The following ANKRD11 variants were observed in gnomAD, a reference collection of about 807,000 sequenced individuals.
ANKRD11 encodes ankyrin repeat domain-containing protein 11.
Under a neutral mutation model 195.7 loss-of-function variants are expected in ANKRD11, and 17 were observed. The ratio of observed to expected loss-of-function variants is 0.09; its 90% CI spans 0.06 to 0.13. The LOEUF (loss-of-function observed/expected upper bound fraction) is 0.13. ANKRD11 is among the 10% of genes least tolerant of loss of function. The pLI is 1.00. For synonymous variants in ANKRD11, 1,953 were observed against 1,528.1 expected, an observed-to-expected ratio of 1.28 and a Z score of -6.49; for missense variants, 3,735 against 3,566.1, an observed-to-expected ratio of 1.05 and a Z score of -1.21.
intron 1 of ANKRD11, among the ~76,000 whole-genome samples, chr16:89,464,968 T>G (rs1400128836): frequency 6.6e-6 from 1 of 152,246 alleles, no homozygotes; most frequent in Non-Finnish European, 1.5e-5. Context: ...AATGTCTTTT[T>G]TAGACAGTCC....
intron 1 of ANKRD11, among the ~76,000 whole-genome samples, chr16:89,457,723 G>A (rs1026447951): frequency 1.3e-5 from 2 of 152,140 alleles, no homozygotes; most frequent in Admixed American, 1.3e-4. Flanking sequence ...ATTCTGCGGT[G>A]ATGGAAATGT....
At chr16:89,403,467 C>T (rs770573864) in intron 2 of ANKRD11, among the ~76,000 whole-genome samples, 2 of 152,090 alleles carry the variant, frequency 1.3e-5, no homozygotes, top group Non-Finnish European at 2.9e-5. Context: ...CGAGGCCCCG[C>T]GCTCTGGGAG....
chr16:89,483,706 T>C (rs1158231451), intron 1 of ANKRD11, among the ~76,000 whole-genome samples: 1 of 151,344 alleles, frequency 6.6e-6, no homozygotes, highest in Non-Finnish European at 1.5e-5. Context: ...CGCGTGCCTG[T>C]AATCCCAGCT....
In ANKRD11 at chr16:89,453,807, G is replaced by A. The variant is rs962807942; in HGVS notation, c.-144-35439C>T. On this transcript the variant is annotated intron_variant, in intron 1 of 12. Coordinates refer to ENST00000301030, the MANE Select transcript of ANKRD11 (RefSeq NM_013275.6). ...TGAAGGAGAACAGGAAGTAAAACAT[G>A]ACTGGAGACAGAACTTGTGAATTCG... 3.3e-5 allele frequency among the ~76,000 whole-genome samples: 5 copies of A among 152,268 alleles called. 1 individual carries two copies. The highest frequency in any genetic ancestry group is 2.9e-5 in the Non-Finnish European group (2 of 68,028).
rs372301248 is a variant in ANKRD11, at chr16:89,426,469, C to T, written c.-144-8101G>A. ...CTGAGCAACAAACACCAACTCCCTG[C>T]GTGGCTTCACTAAAACAAGCCTTGA... On this transcript the variant is annotated intron_variant, in intron 1 of 12. Transcript: ENST00000301030. Among the ~76,000 whole-genome samples, 73 of 150,328 alleles carry T rather than the reference C, an allele frequency of 4.9e-4. 1 individual carries two copies. The South Asian group carries it at 0.014, about 29-fold the overall frequency.
At chr16:89,332,041 C>CT (rs2038095084) in intron 2 of ANKRD11, among the ~76,000 whole-genome samples, 1 of 151,962 alleles carries the variant, frequency 6.6e-6, no homozygotes. Flanking sequence ...AATCCCAGAA[C>CT]TTTGGGAGGC....
At chr16:89,463,165 G>C (rs901112517) in intron 1 of ANKRD11, among the ~76,000 whole-genome samples, 6 of 152,218 alleles carry the variant, frequency 3.9e-5, no homozygotes, top group African/African-American at 9.6e-5. Flanking sequence ...CACCCCGTCT[G>C]GGAGGTGTGC....
chr16:89,380,870 G>A lies in ANKRD11; in HGVS notation c.-60+37414C>T, dbSNP rs144796277. On this transcript the variant is annotated intron_variant, in intron 2 of 12. Coordinates refer to ENST00000301030, the MANE Select transcript of ANKRD11 (RefSeq NM_013275.6). ...GCCCCAAAGGTGACCAGGCCTACAC[G>A]GGGCAATGCAGCTCAGAGGTCGTGG... Among the ~76,000 whole-genome samples, 363 of 152,318 alleles carry A rather than the reference G, an allele frequency of 2.4e-3. 4 individuals carry two copies. The highest frequency in any genetic ancestry group is 2.6e-3 in the Non-Finnish European group (178 of 68,026).
Position 89,284,648 on chromosome 16 carries a change from G to C in ANKRD11, c.1894C>G (p.His632Asp). ...TTTTTGTGTTTGTGTTTTGTTTTAT[G>C]TTTTTTGACAACTTTCCCCTCCTTG... ...LDKEGKVVKK[H>D]KTKHKHKNKE... Residue 632 changes from histidine to aspartate, a missense_variant, in exon 9 of 13, where the codon CAT becomes GAT. His to Asp is a moderately conservative substitution (Grantham distance 81, BLOSUM62 -1). Transcript: ENST00000301030. 6.2e-7 allele frequency: 1 copy of C among 1,614,074 alleles called. No individual in the cohort carries two copies. The highest frequency in any genetic ancestry group is 8.5e-7 in the Non-Finnish European group (1 of 1,180,020).
At chr16:89,423,373 C>A (rs1290562344) in intron 1 of ANKRD11, among the ~76,000 whole-genome samples, 1 of 152,256 alleles carries the variant, frequency 6.6e-6, no homozygotes, top group Non-Finnish European at 1.5e-5. Flanking sequence ...GTCACACCAG[C>A]CTGTCTCAGG....
At chr16:89,479,041 T>C (rs1481954497) in intron 1 of ANKRD11, among the ~76,000 whole-genome samples, 3 of 152,038 alleles carry the variant, frequency 2.0e-5, no homozygotes, top group Non-Finnish European at 4.4e-5. Flanking sequence ...ACCTCAACCT[T>C]CGGGCCTCAA....
chr16:89,488,374 G>A (rs989578766), intron 1 of ANKRD11, among the ~76,000 whole-genome samples: 7 of 152,024 alleles, frequency 4.6e-5, no homozygotes, highest in Admixed American at 1.3e-4. Context: ...ATGGAGGGTA[G>A]GGGAGGCCAC....
At chr16:89,331,569 T>A (rs530632381) in intron 2 of ANKRD11, among the ~76,000 whole-genome samples, 1 of 152,292 alleles carries the variant, frequency 6.6e-6, no homozygotes, top group African/African-American at 2.4e-5. Flanking sequence ...TACCGCTGGG[T>A]GTGTGGTGAC....
chr16:89,405,920 G>C (rs1348595087), intron 2 of ANKRD11, among the ~76,000 whole-genome samples: 3 of 151,988 alleles, frequency 2.0e-5, no homozygotes, highest in Admixed American at 1.3e-4. Context: ...GAGCAGTCTG[G>C]CCAACATGGT....
chr16:89,301,523 G>A (rs189387968), intron 4 of ANKRD11: 9 of 398,938 alleles, frequency 2.3e-5, no homozygotes, highest in Admixed American at 4.4e-5. Context: ...GTCTGAGAGG[G>A]CTCGGTGGGC....
intron 2 of ANKRD11, among the ~76,000 whole-genome samples, chr16:89,382,577 T>C (rs1209085660): frequency 1.3e-5 from 2 of 152,028 alleles, no homozygotes; most frequent in African/African-American, 4.8e-5. Flanking sequence ...TCCACCTTGA[T>C]CCATCCACTT....
intron 2 of ANKRD11, among the ~76,000 whole-genome samples, chr16:89,402,653 C>T (rs1344065391): frequency 9.1e-6 from 1 of 110,132 alleles, no homozygotes; most frequent in Non-Finnish European, 1.9e-5. Context: ...GGCAGCACTG[C>T]AGGGTGAGGT....
chr16:89,288,245 A>G (rs947852347), intron 7 of ANKRD11: 1 of 621,752 alleles, frequency 1.6e-6, no homozygotes, highest in Non-Finnish European at 2.9e-6. Flanking sequence ...ACTTGGTGTA[A>G]TCCTTCACCT....
Position 89,384,892 on chromosome 16 carries a change from T to G in ANKRD11, c.-60+33392A>C, listed in dbSNP as rs1170363538. Among the ~76,000 whole-genome samples the G allele has an allele frequency of 3.2e-3, 403 of 124,366 alleles. 6 individuals carry two copies. The highest frequency in any genetic ancestry group is 0.011 in the African/African-American group (365 of 32,640). 81.6% of individuals were successfully genotyped at this position (124,366 alleles called of 152,430 possible). ...AGAAATAGTTTTCTTTTTTTTTTTT[T>G]TTTTTTTTTTTTTTTGAGACTACGT... On this transcript the variant is annotated intron_variant, in intron 2 of 12. Coordinates refer to ENST00000301030, the MANE Select transcript of ANKRD11 (RefSeq NM_013275.6).
Sources: allele counts gnomAD v4.1 joint callset (sites outside exome capture counted in the v4.1 genomes callset), GRCh38; gene constraint gnomAD v4.1.1; transcripts MANE v1.5; gene names NCBI Gene and HGNC (gene_info 2026-07-23, HGNC 2026-07-21).